NEK10: variants seen among roughly 807,000 people sequenced by gnomAD.
NEK10 encodes the protein serine/threonine-protein kinase Nek10.
Under a neutral mutation model 159.8 loss-of-function variants are expected in NEK10, and 122 were observed. The observed-to-expected ratio is 0.76, with a 90% confidence interval of 0.66 to 0.89. The LOEUF (loss-of-function observed/expected upper bound fraction) is 0.89. Ranked by LOEUF, NEK10 falls within the 40% of genes least tolerant of loss-of-function variation. NEK10 has a pLI of 0.00. For synonymous variants in NEK10, 466 were observed against 457.1 expected (o/e 1.02, Z -0.25); for missense variants, 1,342 against 1,323.1 (o/e 1.01, Z -0.22).
At chr3:27,281,477 A>T (rs2042156430) in intron 22 of NEK10, among the ~76,000 whole-genome samples, 1 of 152,068 alleles carries the variant, frequency 6.6e-6, no homozygotes, top group South Asian at 2.1e-4. Context: ...GGATTTCCTG[A>T]CAGCAAAACT....
chr3:27,332,212 C>T (rs957625230), intron 5 of NEK10, among the ~76,000 whole-genome samples: 4 of 152,114 alleles, frequency 2.6e-5, no homozygotes, highest in African/African-American at 4.8e-5. Context: ...TTTTATTTTA[C>T]GTTTAACAAA....
chr3:27,293,301 T>A (rs892136037), intron 16 of NEK10, among the ~76,000 whole-genome samples: 2 of 152,218 alleles, frequency 1.3e-5, no homozygotes, highest in African/African-American at 4.8e-5. Flanking sequence ...TATCTTTAAT[T>A]ATCAAAAAGA....
At chr3:27,242,329 C>A (rs748090323) in intron 23 of NEK10, among the ~76,000 whole-genome samples, 1 of 152,170 alleles carries the variant, frequency 6.6e-6, no homozygotes. Context: ...ACTTATCAAT[C>A]GATTGATCAA....
intron 22 of NEK10, chr3:27,265,576 A>G (rs1018084714): frequency 2.0e-5 from 3 of 152,084 alleles, no homozygotes; most frequent in Non-Finnish European, 4.4e-5. Flanking sequence ...GGGCATCTTC[A>G]TTTAAAGAAA....
In NEK10 at chr3:27,306,076, C is replaced by T. The variant is rs76646392; in HGVS notation, c.804-1105G>A. Among the ~76,000 whole-genome samples the T allele has an allele frequency of 1.1e-3, 166 of 152,240 alleles. 3 individuals carry two copies. The East Asian group carries it at 0.028, about 26-fold the overall frequency. On this transcript the variant is annotated intron_variant, in intron 11 of 35. Coordinates refer to ENST00000691995, the MANE Select transcript of NEK10 (RefSeq NM_001394966.1). ...CCAGGTCTATTCTTCACCTTATATCCCCGATCTTGACTCATGGCACCACAA... is the reference window on the plus strand; with the variant it reads ...CCAGGTCTATTCTTCACCTTATATCTCCGATCTTGACTCATGGCACCACAA...
At chr3:27,191,473 GC>G (rs1369538483) in intron 26 of NEK10, among the ~76,000 whole-genome samples, 1 of 152,222 alleles carries the variant, frequency 6.6e-6, no homozygotes, top group Non-Finnish European at 1.5e-5. Context: ...GATATTTGTA[GC>G]TTTGGCATCT....
At chr3:27,195,679 G>A (rs1949493250) in intron 25 of NEK10, among the ~76,000 whole-genome samples, 1 of 152,180 alleles carries the variant, frequency 6.6e-6, no homozygotes, top group Admixed American at 6.5e-5. Context: ...TCTGCGAAAT[G>A]CTGCTTACTA....
chr3:27,155,946 T>C (rs1256723854), intron 30 of NEK10, among the ~76,000 whole-genome samples: 3 of 152,070 alleles, frequency 2.0e-5, no homozygotes, highest in African/African-American at 4.8e-5. Context: ...AATAGGCACA[T>C]AGACCAATGG....
Position 27,119,838 on chromosome 3 carries a change from G to A in NEK10, c.3112C>T (p.Pro1038Ser), listed in dbSNP as rs747331151. The change falls in exon 33 of 36, where the codon CCC becomes TCC. Residue 1038 changes from proline to serine, a missense_variant. Transcript: ENST00000691995. ...LSQGSPEPIE[P>S]NFFTADYHLL... The stretch of plus-strand genomic sequence containing the variant: ...TGGTAATCTGCTGTGAAAAAGTTGG[G>A]CTCAATCGGTTCTGGAGATCCCTGA... The A allele has an allele frequency of 2.5e-6, 4 of 1,613,888 alleles. No individual in the cohort carries two copies. Among genetic ancestry groups the A allele is most frequent in the African/African-American group, 2.7e-5 (2 of 75,032 alleles).
intron 22 of NEK10, chr3:27,278,557 T>C (rs746881032): frequency 9.0e-6 from 3 of 332,448 alleles, no homozygotes; most frequent in Non-Finnish European, 1.3e-5. Context: ...AGGTGCCAAA[T>C]ATCACTTGAG....
chr3:27,357,847 T>A (rs1161292333), intron 1 of NEK10, among the ~76,000 whole-genome samples: 2 of 151,984 alleles, frequency 1.3e-5, no homozygotes, highest in Admixed American at 1.3e-4. Flanking sequence ...AATTGACAAC[T>A]CCATGACAAC....
At chr3:27,159,165 T>C (rs1484533730) in intron 30 of NEK10, among the ~76,000 whole-genome samples, 5 of 152,192 alleles carry the variant, frequency 3.3e-5, no homozygotes, top group Non-Finnish European at 7.4e-5. Flanking sequence ...ATATCAAGGA[T>C]TAAGTTTCAG....
chr3:27,237,618 A>C, intron 23 of NEK10, among the ~76,000 whole-genome samples: 1 of 152,148 alleles, frequency 6.6e-6, no homozygotes, highest in African/African-American at 2.4e-5. Context: ...CAAAGGCATA[A>C]GAATGATATA....
intron 23 of NEK10, among the ~76,000 whole-genome samples, chr3:27,238,200 G>A (rs1954154853): frequency 6.6e-6 from 1 of 152,146 alleles, no homozygotes; most frequent in Non-Finnish European, 1.5e-5. Context: ...AAGGAGATTG[G>A]CTGAATGAAT....
At chr3:27,115,395 G>A (rs572697463) in intron 35 of NEK10, among the ~76,000 whole-genome samples, 3 of 152,240 alleles carry the variant, frequency 2.0e-5, no homozygotes, top group South Asian at 2.1e-4. Flanking sequence ...GAACACCAAC[G>A]ATAGCTATAT....
chr3:27,335,931 TA>T (rs1210300219), intron 5 of NEK10, among the ~76,000 whole-genome samples: 1 of 152,010 alleles, frequency 6.6e-6, no homozygotes, highest in Non-Finnish European at 1.5e-5. Flanking sequence ...TTAAACAATC[TA>T]ATAATACACC....
chr3:27,260,668 G>C (rs1162201437), intron 22 of NEK10, among the ~76,000 whole-genome samples: 1 of 152,110 alleles, frequency 6.6e-6, no homozygotes, highest in African/African-American at 2.4e-5. Flanking sequence ...CAGGGATATT[G>C]GTCTAAAATT....
chr3:27,337,654 C>T (rs1196669687), intron 5 of NEK10, among the ~76,000 whole-genome samples: 1 of 152,068 alleles, frequency 6.6e-6, no homozygotes, highest in Non-Finnish European at 1.5e-5. Context: ...CACATATTTA[C>T]AGCCAATTGA....
chr3:27,262,459 T>C (rs1441172765), intron 22 of NEK10, among the ~76,000 whole-genome samples: 1 of 152,230 alleles, frequency 6.6e-6, no homozygotes, highest in Non-Finnish European at 1.5e-5. Context: ...CCCGTCACTT[T>C]CAGATACACC....
Sources: gnomAD v4.1 joint callset for allele counts (sites outside exome capture counted in the v4.1 genomes callset) on GRCh38, gnomAD v4.1.1 for gene constraint, MANE v1.5 for transcripts, NCBI Gene and HGNC (gene_info 2026-07-23, HGNC 2026-07-21) for gene names.